TMEM40: variants seen among roughly 807,000 people sequenced by gnomAD.
The protein encoded by TMEM40 is transmembrane protein 40.
A neutral mutation model predicts 40.8 loss-of-function variants in TMEM40; 34 were observed. The ratio of observed to expected loss-of-function variants is 0.83; its 90% CI spans 0.63 to 1.11. The LOEUF (loss-of-function observed/expected upper bound fraction) is 1.11, where lower values mean the gene tolerates loss of function less well. Among genes scored for constraint, TMEM40 ranks in the 50% least tolerant of loss-of-function variants. The pLI, the probability that TMEM40 is intolerant of heterozygous loss-of-function variation, is 0.00. For synonymous variants in TMEM40, 106 were observed against 107.0 expected (o/e 0.99, Z 0.06); for missense variants, 296 against 280.2 (o/e 1.06, Z -0.40).
intron 3 of TMEM40, 84 bp downstream of exon 3, chr3:12,748,564 AAGTACTT>A: frequency 6.7e-7 from 1 of 1,497,566 alleles, no homozygotes; most frequent in Non-Finnish European, 9.0e-7. Flanking sequence ...TTGGAGTTTC[AAGTACTT>A]CAATGACTTC....
At chr3:12,763,686 A>G (rs2061582706), upstream of TMEM40, among the ~76,000 whole-genome samples, 1 of 152,082 alleles carries the variant, frequency 6.6e-6, no homozygotes, top group South Asian at 2.1e-4. Context: ...CACAGCCCCT[A>G]TCCATGGTGA....
At chr3:12,766,845 G>C (rs1024151882) in intron 1 of TMEM40, among the ~76,000 whole-genome samples, 5 of 147,916 alleles carry the variant, frequency 3.4e-5, no homozygotes, top group Non-Finnish European at 7.4e-5. Context: ...TAGGGGCAGA[G>C]GGGGGACCAG....
chr3:12,752,468 T>C (rs112938164), intron 1 of TMEM40, among the ~76,000 whole-genome samples: 5,636 of 152,260 alleles, frequency 0.037, 136 homozygotes, highest in Middle Eastern at 0.058. Flanking sequence ...GCCCATTTTA[T>C]AGGTCAGAAT....
At chr3:12,759,002 G>GA (rs1427671808) in intron 1 of TMEM40, among the ~76,000 whole-genome samples, 189 bp downstream of exon 1, 1 of 152,130 alleles carries the variant, frequency 6.6e-6, no homozygotes, top group African/African-American at 2.4e-5. Flanking sequence ...CCAGGAAGGT[G>GA]AATATTTGTC....
rs1044795477 is a variant in TMEM40 at position 12,738,153 on chromosome 3, C to T, written c.407G>A (p.Gly136Asp). ...PSGESGLRRRGSDPASGEVEA... is the reference protein window; with the variant it reads ...PSGESGLRRRDSDPASGEVEA... Reference sequence around the variant, plus strand: ...GTATTTACCACTTGCTGGGTCAGAGCCTCTCCTTCGGAGTCCTGGAAACAA... The same window carrying T: ...GTATTTACCACTTGCTGGGTCAGAGTCTCTCCTTCGGAGTCCTGGAAACAA... The change falls in exon 7 of 12, where the codon GGC (glycine) becomes GAC (aspartate). Residue 136 changes from glycine to aspartate, a missense_variant. By Grantham distance (94) the Gly-to-Asp change is moderately conservative (BLOSUM62 -1). Coordinates refer to ENST00000314124, the MANE Select transcript of TMEM40 (RefSeq NM_018306.4). 1 of 1,613,998 alleles carries T rather than the reference C, an allele frequency of 6.2e-7. No individual in the cohort carries two copies. The highest frequency in any genetic ancestry group is 1.3e-5 in the African/African-American group (1 of 75,048).
chr3:12,766,800 G>A (rs897301732), intron 1 of TMEM40, among the ~76,000 whole-genome samples: 2 of 152,146 alleles, frequency 1.3e-5, no homozygotes, highest in African/African-American at 2.4e-5. Context: ...AGGTCTAGAG[G>A]GTAAAAGGAC....
upstream of TMEM40, among the ~76,000 whole-genome samples, chr3:12,759,971 G>A (rs557323010): frequency 6.8e-5 from 2 of 29,468 alleles, no homozygotes; most frequent in East Asian, 1.0e-3. Flanking sequence ...GCCTTGGAGG[G>A]AAACAGGCAA....
chr3:12,755,235 CTT>C (rs1491518408), intron 1 of TMEM40, among the ~76,000 whole-genome samples: 1,673 of 52,200 alleles, frequency 0.032, 14 homozygotes, highest in Non-Finnish European at 0.039. Flanking sequence ...CTCTCTCTCT[CTT>C]TCTTTCTTTC....
chr3:12,756,272 G>A (rs981488465), intron 1 of TMEM40, among the ~76,000 whole-genome samples: 17 of 152,126 alleles, frequency 1.1e-4, no homozygotes, highest in Non-Finnish European at 2.1e-4. Flanking sequence ...CATTCTGGGC[G>A]TACACTGGCC....
intron 1 of TMEM40, 130 bp downstream of exon 1, chr3:12,759,061 G>A (rs2061550723): frequency 6.6e-6 from 1 of 152,230 alleles, no homozygotes; most frequent in Admixed American, 6.5e-5. Flanking sequence ...GGAAGATGCA[G>A]AGCTGGGACT....
upstream of TMEM40, among the ~76,000 whole-genome samples, chr3:12,760,879 CT>C (rs2061564756): frequency 6.6e-6 from 1 of 152,100 alleles, no homozygotes; most frequent in Non-Finnish European, 1.5e-5. Flanking sequence ...GGAGCTGGGA[CT>C]ACAGGCATGC....
chr3:12,738,156 C>G lies in TMEM40; in HGVS notation c.404G>C (p.Arg135Thr). The change falls in exon 7 of 12, where the codon AGA becomes ACA. Residue 135 changes from arginine (R) to threonine (T), a missense_variant. Coordinates refer to ENST00000314124, the MANE Select transcript of TMEM40 (RefSeq NM_018306.4). ...TTTACCACTTGCTGGGTCAGAGCCT[C>G]TCCTTCGGAGTCCTGGAAACAAGAA... ...VPSGESGLRRRGSDPASGEVE... is the reference protein window; with the variant it reads ...VPSGESGLRRTGSDPASGEVE... 1 of 1,614,016 alleles carries G rather than the reference C, an allele frequency of 6.2e-7. No homozygotes were observed. The highest frequency in any genetic ancestry group is 1.1e-5 in the South Asian group (1 of 91,000).
intron 5 of TMEM40, 84 bp downstream of exon 5, chr3:12,742,370 C>A (rs1462773000): frequency 6.7e-7 from 1 of 1,496,204 alleles, no homozygotes; most frequent in Non-Finnish European, 9.2e-7. Flanking sequence ...TCATGAATCA[C>A]CCTCATGACC....
At chr3:12,764,210 G>A (rs373495380), upstream of TMEM40, among the ~76,000 whole-genome samples, 3 of 152,248 alleles carry the variant, frequency 2.0e-5, no homozygotes, top group East Asian at 1.9e-4. Flanking sequence ...TGCCGTGCCC[G>A]GCTACATGAA....
In TMEM40 at chr3:12,734,777, G is replaced by C; in HGVS notation, c.699C>G (p.Asp233Glu). 1 of 1,598,890 alleles carries C rather than the reference G, an allele frequency of 6.3e-7. No homozygotes were observed. Among genetic ancestry groups the C allele is most frequent in the Non-Finnish European group, 8.5e-7 (1 of 1,173,188 alleles). Reference sequence around the variant, plus strand: ...TGCTGCCCACCTGGAAGTGGCCTCAGTCAGTCTTCCTGAACCCTGGAAGGC... The same window carrying C: ...TGCTGCCCACCTGGAAGTGGCCTCACTCAGTCTTCCTGAACCCTGGAAGGC... ...KFRLTGFRKT[D>E] The change falls in exon 12 of 12, where the codon GAC (aspartate) becomes GAG (glutamate). Residue 233 changes from aspartate to glutamate, a missense_variant. Asp to Glu is a conservative substitution (Grantham distance 45). Coordinates refer to ENST00000314124, the MANE Select transcript of TMEM40 (RefSeq NM_018306.4).
intron 5 of TMEM40, among the ~76,000 whole-genome samples, chr3:12,742,113 C>G (rs1317034275): frequency 6.6e-6 from 1 of 151,988 alleles, no homozygotes; most frequent in Non-Finnish European, 1.5e-5. Context: ...GCCTGTGGTC[C>G]CACCTACTCG....
rs78560646 is a variant in TMEM40 at position 12,734,792 on chromosome 3, C to A, written c.684G>T (p.Gly228=). The change falls in exon 12 of 12, where the codon GGG becomes GGT. Residue 228 remains glycine (G), a splice_region_variant and synonymous_variant. Coordinates refer to ENST00000314124, the MANE Select transcript of TMEM40 (RefSeq NM_018306.4). ...AGTGGCCTCAGTCAGTCTTCCTGAA[C>A]CCTGGAAGGCAAAGACCACAGGATG... ...IPLFQKFRLT[G]FRKTD is the part of the protein sequence containing the mutation. 3,604 of 1,599,200 alleles carry A rather than the reference C, an allele frequency of 2.3e-3. 91 individuals carry two copies. In the East Asian group the frequency reaches 0.056, roughly 25 times the overall value.
At chr3:12,736,884 T>C in intron 8 of TMEM40, 49 bp from the exon 9 acceptor site, 5 of 1,612,838 alleles carry the variant, frequency 3.1e-6, no homozygotes, top group Non-Finnish European at 4.2e-6. Flanking sequence ...TCTCTCTCTT[T>C]TTTTGGGCAG....
intron 7 of TMEM40, 123 bp downstream of exon 7, chr3:12,738,013 G>A: frequency 8.0e-7 from 1 of 1,250,806 alleles, no homozygotes; most frequent in Admixed American, 2.0e-5. Context: ...GAATCATAGT[G>A]ACACTGGCTG....
Sources: allele counts gnomAD v4.1 joint callset (sites outside exome capture counted in the v4.1 genomes callset), GRCh38; gene constraint gnomAD v4.1.1; transcripts MANE v1.5; gene names NCBI Gene and HGNC (gene_info 2026-07-23, HGNC 2026-07-21).